FAM229B: variants seen among roughly 807,000 people sequenced by gnomAD.
The protein encoded by FAM229B is family with sequence similarity 229 member B.
A neutral mutation model predicts 6.7 loss-of-function variants in FAM229B; 2 were observed. The observed-to-expected ratio is 0.30, with a 90% confidence interval of 0.12 to 0.94. The LOEUF (loss-of-function observed/expected upper bound fraction) is 0.94. FAM229B is among the 40% of genes least tolerant of loss of function. The pLI, the probability that FAM229B is intolerant of heterozygous loss-of-function variation, is 0.54. For missense variants in FAM229B, 93 were observed against 96.2 expected (o/e 0.97, Z 0.14); for synonymous variants, 29 against 34.0 (o/e 0.85, Z 0.51).
intron 1 of FAM229B, among the ~76,000 whole-genome samples, chr6:112,087,944 C>T (rs1777199649): frequency 6.6e-6 from 1 of 152,140 alleles, no homozygotes; most frequent in Non-Finnish European, 1.5e-5. Flanking sequence ...GAGAAATAGT[C>T]ATGTCAGGGC....
At chr6:112,093,314 A>T (rs2114504003) in intron 1 of FAM229B, among the ~76,000 whole-genome samples, 1 of 152,206 alleles carries the variant, frequency 6.6e-6, no homozygotes, top group African/African-American at 2.4e-5. Context: ...GTGTCATTTC[A>T]TCAAGAGGAT....
chr6:112,100,924 C>T lies in FAM229B; in HGVS notation c.*137C>T, dbSNP rs587727519. On this transcript the variant is annotated 3_prime_UTR_variant, in exon 4 of 4. Transcript: ENST00000368656. Reference sequence around the variant, plus strand: ...TTGAGCTCTTTACTTTTAGTAAGACCGACAGAAATGTAGTCAGTAAAGCAC... The same window carrying T: ...TTGAGCTCTTTACTTTTAGTAAGACTGACAGAAATGTAGTCAGTAAAGCAC... 4 of 671,044 alleles carry T rather than the reference C, an allele frequency of 6.0e-6. No homozygotes were observed. The highest frequency in any genetic ancestry group is 2.4e-5 in the Admixed American group (1 of 42,526). 41.6% of individuals were successfully genotyped at this position (671,044 alleles called of 1,614,324 possible). A position where few individuals can be genotyped will look rare whatever the true frequency, so the allele number is the denominator to read the frequency against.
In FAM229B at chr6:112,100,822, C is replaced by A; in HGVS notation, c.*35C>A. The A allele has an allele frequency of 6.8e-7, 1 of 1,469,160 alleles. No homozygotes were observed. Among genetic ancestry groups the A allele is most frequent in the South Asian group, 1.1e-5 (1 of 87,806 alleles). 91.0% of individuals were successfully genotyped at this position (1,469,160 alleles called of 1,614,324 possible). The stretch of plus-strand genomic sequence containing the variant: ...GTCTTTTGTCAAGGTCTGACTAGGT[C>A]AAGGGTAATGGACCAGTATCATCTG... On this transcript the variant is annotated 3_prime_UTR_variant, in exon 4 of 4. Transcript: ENST00000368656.
At position 112,099,360 on chromosome 6, in the gene FAM229B, G is replaced by C. The variant is rs973674783; in HGVS notation, c.77G>C (p.Gly26Ala). 1.1e-5 allele frequency: 17 copies of C among 1,613,850 alleles called. No homozygotes were observed. Among genetic ancestry groups the C allele is most frequent in the Non-Finnish European group, 1.4e-5 (16 of 1,179,938 alleles). ...GGDSSIELEP[G>A]LSSSAACNGK... ...GATTCTTCAATTGAGCTGGAACCTG[G>C]GCTGAGCTCCAGTGCTGCCTGTAAT... Residue 26 changes from glycine to alanine, a missense_variant, in exon 3 of 4, where the codon GGG becomes GCG. Gly to Ala is a moderately conservative substitution (Grantham distance 60, BLOSUM62 0). Coordinates refer to ENST00000368656, the MANE Select transcript of FAM229B (RefSeq NM_001033564.3).
intron 3 of FAM229B, 147 bp downstream of exon 3, chr6:112,099,555 T>C: frequency 4.3e-6 from 3 of 699,180 alleles, no homozygotes; most frequent in Non-Finnish European, 6.6e-6. Context: ...CAGAGCCCAG[T>C]TTTCCTTAGT....
chr6:112,098,471 G>A (rs1777354731), intron 2 of FAM229B, among the ~76,000 whole-genome samples: 1 of 152,182 alleles, frequency 6.6e-6, no homozygotes, highest in African/African-American at 2.4e-5. Flanking sequence ...CTTACTGTGT[G>A]TTAGGCACTG....
At chr6:112,093,466 G>A (rs1777283320) in intron 1 of FAM229B, among the ~76,000 whole-genome samples, 2 of 152,028 alleles carry the variant, frequency 1.3e-5, no homozygotes, top group East Asian at 1.9e-4. Flanking sequence ...GATAAACCAA[G>A]TATATAGAAA....
At chr6:112,095,271 A>G (rs1777306715) in intron 1 of FAM229B, among the ~76,000 whole-genome samples, 3 of 152,186 alleles carry the variant, frequency 2.0e-5, no homozygotes, top group Admixed American at 2.0e-4. Context: ...TAAGGTAGGA[A>G]TTAATACCAT....
At position 112,094,244 on chromosome 6, in the gene FAM229B, G is replaced by C. The variant is rs185857766; in HGVS notation, c.-175-2797G>C. Among the ~76,000 whole-genome samples, 329 of 152,134 alleles carry C rather than the reference G, an allele frequency of 2.2e-3. 1 individual carries two copies. Among genetic ancestry groups the C allele is most frequent in the African/African-American group, 7.7e-3 (319 of 41,522 alleles). The stretch of plus-strand genomic sequence containing the variant: ...AAATAAATAGTAAATAGAAAATAGA[G>C]AAAAATCAATGAAACCTAAATATGT... On this transcript the variant is annotated intron_variant, in intron 1 of 3. Coordinates refer to ENST00000368656, the MANE Select transcript of FAM229B (RefSeq NM_001033564.3).
At chr6:112,090,698 C>T (rs1302917256) in intron 1 of FAM229B, among the ~76,000 whole-genome samples, 5 of 151,912 alleles carry the variant, frequency 3.3e-5, no homozygotes, top group Non-Finnish European at 5.9e-5. Context: ...GATGATCTGC[C>T]ATTATTTGGT....
At chr6:112,098,026 G>A (rs868981296) in intron 2 of FAM229B, among the ~76,000 whole-genome samples, 2 of 152,192 alleles carry the variant, frequency 1.3e-5, no homozygotes, top group Non-Finnish European at 1.5e-5. Flanking sequence ...TTTGCATCCA[G>A]TGGGTAAAGG....
intron 1 of FAM229B, among the ~76,000 whole-genome samples, chr6:112,095,213 T>G (rs781806732): frequency 6.6e-6 from 1 of 152,226 alleles, no homozygotes; most frequent in Non-Finnish European, 1.5e-5. Flanking sequence ...GTCCCAGTTA[T>G]TGGCTTTATA....
chr6:112,089,068 G>A (rs886541981), intron 1 of FAM229B, among the ~76,000 whole-genome samples: 2 of 152,206 alleles, frequency 1.3e-5, no homozygotes, highest in Non-Finnish European at 2.9e-5. Flanking sequence ...GAGCCAAGTT[G>A]AGATCGGTTG....
chr6:112,095,661 C>CAAAAAAAAAAAAAAAAAAAAAAAAAAA (rs1562610441), intron 1 of FAM229B, among the ~76,000 whole-genome samples: 2 of 95,962 alleles, frequency 2.1e-5, no homozygotes, highest in African/African-American at 4.2e-5. Context: ...AAAAAAAAAA[C>CAAAAAAAAAAAAAAAAAAAAAAAAAAA]CAAAAAAAAA....
At position 112,087,604 on chromosome 6, in the gene FAM229B, G is replaced by GC. The variant is rs1777191508; in HGVS notation, c.-291dup. 2.9e-6 allele frequency: 2 copies of GC among 701,366 alleles called. No individual in the cohort carries two copies. Among genetic ancestry groups the GC allele is most frequent in the Admixed American group, 5.8e-5 (2 of 34,462 alleles). The allele number at this position is 701,366 out of a possible 1,614,324, so 43.4% of individuals were successfully genotyped here. A position where few individuals can be genotyped will look rare whatever the true frequency, so the allele number is the denominator to read the frequency against. ...CTAAGGTTTTCCGTCAGAAGGCCGC[G>GC]CAAGTGCACTTGCGTGTCACCGTTA... On this transcript the variant is annotated 5_prime_UTR_variant, in exon 1 of 4. Transcript: ENST00000368656.
At chr6:112,095,662 CAAAA>C (rs376039549) in intron 1 of FAM229B, among the ~76,000 whole-genome samples, 5 of 77,906 alleles carry the variant, frequency 6.4e-5, no homozygotes, top group African/African-American at 1.8e-4. Flanking sequence ...AAAAAAAAAC[CAAAA>C]AAAAAAAAAA....
intron 3 of FAM229B, among the ~76,000 whole-genome samples, chr6:112,100,400 G>T (rs1353382380): frequency 2.0e-5 from 3 of 152,162 alleles, no homozygotes; most frequent in Admixed American, 1.3e-4. Flanking sequence ...AGCAATCATT[G>T]CATACCTTTC....
In FAM229B at chr6:112,100,930, A is replaced by C. The variant is rs1000735222; in HGVS notation, c.*143A>C. The C allele has an allele frequency of 4.5e-6, 3 of 662,240 alleles. No homozygotes were observed. In the African/African-American group the frequency reaches 5.4e-5, roughly 12 times the overall value. 41.0% of individuals were successfully genotyped at this position (662,240 alleles called of 1,614,324 possible). On this transcript the variant is annotated 3_prime_UTR_variant, in exon 4 of 4. Coordinates refer to ENST00000368656, the MANE Select transcript of FAM229B (RefSeq NM_001033564.3). ...TCTTTACTTTTAGTAAGACCGACAG[A>C]AATGTAGTCAGTAAAGCACATGTAG... is the stretch of plus-strand genomic sequence containing the variant.
At chr6:112,095,677 A>G (rs1777315565) in intron 1 of FAM229B, among the ~76,000 whole-genome samples, 2 of 134,588 alleles carry the variant, frequency 1.5e-5, no homozygotes, top group African/African-American at 7.2e-5. Flanking sequence ...AAAAAAAAAA[A>G]GAAAAAAAAA....
Sources: allele counts gnomAD v4.1 joint callset (sites outside exome capture counted in the v4.1 genomes callset), GRCh38; gene constraint gnomAD v4.1.1; transcripts MANE v1.5; gene names NCBI Gene and HGNC (gene_info 2026-07-23, HGNC 2026-07-21).